The following CMTM7 variants were observed in gnomAD, a reference collection of about 807,000 sequenced individuals.
The protein encoded by CMTM7 is CKLF-like MARVEL transmembrane domain-containing protein 7.
In CMTM7, 7 loss-of-function variants were observed where a neutral mutation model predicts 19.3. The observed-to-expected ratio is 0.36, with a 90% CI of 0.21 to 0.68. The LOEUF (loss-of-function observed/expected upper bound fraction) is 0.68. Among genes scored for constraint, CMTM7 ranks in the 30% least tolerant of loss-of-function variants. The probability of loss-of-function intolerance (pLI) is 0.60; values close to 1 mark genes in which losing one functional copy is unlikely to be tolerated. For missense variants in CMTM7, 193 were observed against 232.6 expected (o/e 0.83, Z 1.11); for synonymous variants, 87 against 99.3 (o/e 0.88, Z 0.74).
chr3:32,403,189 G>A (rs748556349), intron 1 of CMTM7, among the ~76,000 whole-genome samples: 6 of 151,956 alleles, frequency 3.9e-5, no homozygotes, highest in Non-Finnish European at 5.9e-5. Context: ...GGTGGTTTAT[G>A]TTTTGTTTTG....
At chr3:32,444,699 A>G (rs991180768) in intron 2 of CMTM7, among the ~76,000 whole-genome samples, 1 of 152,158 alleles carries the variant, frequency 6.6e-6, no homozygotes, top group Non-Finnish European at 1.5e-5. Context: ...ATTTTTTTAG[A>G]TAATCTGTTA....
At chr3:32,414,332 C>T (rs559464030) in intron 1 of CMTM7, among the ~76,000 whole-genome samples, 2 of 152,344 alleles carry the variant, frequency 1.3e-5, no homozygotes, top group African/African-American at 2.4e-5. Context: ...TTCAGCACTG[C>T]GTTCACAGCT....
At chr3:32,402,285 T>C (rs764795149) in intron 1 of CMTM7, among the ~76,000 whole-genome samples, 57 of 152,120 alleles carry the variant, frequency 3.7e-4, no homozygotes, top group Non-Finnish European at 6.6e-4. Context: ...CTAATTTTTG[T>C]ATTTTTAGTA....
intron 1 of CMTM7, among the ~76,000 whole-genome samples, chr3:32,429,039 C>T (rs544991026): frequency 6.6e-6 from 1 of 152,342 alleles, no homozygotes; most frequent in East Asian, 1.9e-4. Flanking sequence ...AACTATTGCA[C>T]TTTCATTCAG....
At chr3:32,411,145 G>T (rs548660512) in intron 1 of CMTM7, among the ~76,000 whole-genome samples, 2 of 152,280 alleles carry the variant, frequency 1.3e-5, no homozygotes, top group South Asian at 2.1e-4. Context: ...CGGCTTCCCT[G>T]TCGCTGAAAA....
intron 1 of CMTM7, among the ~76,000 whole-genome samples, chr3:32,402,550 A>G (rs1055985165): frequency 2.0e-5 from 3 of 151,828 alleles, no homozygotes; most frequent in Non-Finnish European, 4.4e-5. Context: ...ATTTTATTCT[A>G]TTTTGTTTAT....
At chr3:32,417,547 A>T (rs1334253328) in intron 1 of CMTM7, among the ~76,000 whole-genome samples, 1 of 152,220 alleles carries the variant, frequency 6.6e-6, no homozygotes, top group Admixed American at 6.5e-5. Context: ...GGGTGTATAA[A>T]TGTAAGTTTC....
intron 1 of CMTM7, among the ~76,000 whole-genome samples, 200 bp downstream of exon 1, chr3:32,392,265 TC>T (rs1695848203): frequency 6.6e-6 from 1 of 151,940 alleles, no homozygotes. Flanking sequence ...TGGAGCTCAG[TC>T]CCCAGAGCCG....
intron 1 of CMTM7, among the ~76,000 whole-genome samples, chr3:32,415,363 A>G (rs1190401673): frequency 2.6e-5 from 4 of 152,214 alleles, no homozygotes; most frequent in Non-Finnish European, 5.9e-5. Flanking sequence ...CCTTGTGTCA[A>G]GCAAACCAGC....
intron 1 of CMTM7, among the ~76,000 whole-genome samples, chr3:32,403,789 C>A (rs73827212): frequency 6.6e-6 from 1 of 152,032 alleles, no homozygotes; most frequent in African/African-American, 2.4e-5. Flanking sequence ...ATTATTTGGT[C>A]GTACTATATA....
In CMTM7 at chr3:32,392,065, G is replaced by A. The variant is rs753132605; in HGVS notation, c.159G>A (p.Met53Ile). 3.1e-5 allele frequency: 38 copies of A among 1,234,144 alleles called. No homozygotes were observed. The African/African-American group carries it at 5.1e-4, about 17-fold the overall frequency. The allele number at this position is 1,234,144 out of a possible 1,614,324, so 76.4% of individuals were successfully genotyped here. A position where few individuals can be genotyped will look rare whatever the true frequency, so the allele number is the denominator to read the frequency against. ...THAALLKVAQ[M>I]VTLLIAFICV... is the part of the protein sequence containing the mutation. ...CGGCCCTGCTGAAAGTGGCGCAAAT[G>A]GTAAGTGAGCGCGGGGCGCGAGGCC... Residue 53 changes from methionine (M) to isoleucine (I), a missense_variant and splice_region_variant, in exon 1 of 5, where the codon ATG becomes ATA. Transcript: ENST00000334983.
chr3:32,454,998 A>T lies in CMTM7; in HGVS notation c.*744A>T, dbSNP rs1247168358. ...TCAGGTTTTCTCTCCATCTTGGGGG[A>T]TAGTATAGCAGGGCAGAGTTTTAGG... On this transcript the variant is annotated 3_prime_UTR_variant, in exon 5 of 5. Coordinates refer to ENST00000334983, the MANE Select transcript of CMTM7 (RefSeq NM_138410.4). 2.5e-5 allele frequency: 4 copies of T among 158,340 alleles called. No individual in the cohort carries two copies. The highest frequency in any genetic ancestry group is 9.7e-5 in the African/African-American group (4 of 41,442). 9.8% of individuals were successfully genotyped at this position (158,340 alleles called of 1,614,324 possible). A position where few individuals can be genotyped will look rare whatever the true frequency, so the allele number is the denominator to read the frequency against.
intron 1 of CMTM7, among the ~76,000 whole-genome samples, chr3:32,422,984 G>A (rs914953066): frequency 1.3e-5 from 2 of 152,212 alleles, no homozygotes; most frequent in African/African-American, 4.8e-5. Flanking sequence ...ACTATCATAA[G>A]TCCAGCCATC....
At chr3:32,432,084 A>G (rs1696528147) in intron 1 of CMTM7, among the ~76,000 whole-genome samples, 1 of 152,224 alleles carries the variant, frequency 6.6e-6, no homozygotes, top group Admixed American at 6.5e-5. Flanking sequence ...GGATTCAGAT[A>G]GACCTGGATT....
chr3:32,417,910 CT>C (rs1412222630), intron 1 of CMTM7, among the ~76,000 whole-genome samples: 5 of 152,150 alleles, frequency 3.3e-5, no homozygotes, highest in Non-Finnish European at 7.3e-5. Flanking sequence ...CAACCTCCAC[CT>C]TCTGGGTTCA....
At chr3:32,438,953 C>T (rs867586373) in intron 1 of CMTM7, among the ~76,000 whole-genome samples, 14 of 152,200 alleles carry the variant, frequency 9.2e-5, no homozygotes, top group South Asian at 6.2e-4. Flanking sequence ...CTAGGAATCA[C>T]GCTGCATAAT....
chr3:32,436,146 G>A (rs1278373185), intron 1 of CMTM7, among the ~76,000 whole-genome samples: 4 of 152,110 alleles, frequency 2.6e-5, no homozygotes, highest in Admixed American at 6.6e-5. Flanking sequence ...CCCTCCCTTG[G>A]GTTTCTATGG....
At chr3:32,443,613 C>T (rs1696712510) in intron 2 of CMTM7, among the ~76,000 whole-genome samples, 1 of 152,110 alleles carries the variant, frequency 6.6e-6, no homozygotes, top group Non-Finnish European at 1.5e-5. Flanking sequence ...CATATGGTCA[C>T]TTTGTGTTTA....
intron 1 of CMTM7, among the ~76,000 whole-genome samples, chr3:32,433,936 C>T (rs543985596): frequency 3.9e-5 from 6 of 152,000 alleles, no homozygotes; most frequent in Admixed American, 6.6e-5. Context: ...ACCTATAATT[C>T]CAGCATTTTG....
Sources: gnomAD v4.1 joint callset for allele counts (sites outside exome capture counted in the v4.1 genomes callset) on GRCh38, gnomAD v4.1.1 for gene constraint, MANE v1.5 for transcripts, NCBI Gene and HGNC (gene_info 2026-07-23, HGNC 2026-07-21) for gene names.